Variants in MROH2A observed in about 807,000 individuals in gnomAD.
MROH2A encodes maestro heat-like repeat-containing protein family member 2A.
Under a neutral mutation model 200.4 loss-of-function variants are expected in MROH2A, and 174 were observed. That is an observed-to-expected ratio of 0.87 (90% CI 0.77 to 0.98). MROH2A has a LOEUF of 0.98. Among genes scored for constraint, MROH2A ranks in the 50% least tolerant of loss-of-function variants. The pLI is 0.00. For missense variants in MROH2A, 2,045 were observed against 2,139.6 expected (o/e 0.96, Z 0.87); for synonymous variants, 829 against 840.4 (o/e 0.99, Z 0.23).
chr2:233,802,796 T>G (rs1413093578), intron 15 of MROH2A, among the ~76,000 whole-genome samples: 1 of 152,204 alleles, frequency 6.6e-6, no homozygotes, highest in Non-Finnish European at 1.5e-5. Flanking sequence ...TCCCTCCAAC[T>G]CTGGCCCCAA....
chr2:233,802,489 T>G, intron 15 of MROH2A, 174 bp downstream of exon 15: 2 of 693,742 alleles, frequency 2.9e-6, no homozygotes, highest in East Asian at 2.8e-5. Flanking sequence ...TACCTGATCA[T>G]ATCTAGGTCA....
Position 233,789,911 on chromosome 2 carries a change from C to T in MROH2A, c.468C>T (p.Asn156=). The change falls in exon 5 of 42, where the codon AAC becomes AAT. Residue 156 remains asparagine, a synonymous_variant. Coordinates refer to ENST00000389758, the MANE Select transcript of MROH2A (RefSeq NM_001394639.1). ...ASDTLVALSR[N]HFSLVMYELQ... ...ACACACTGGTGGCTCTGTCCCGAAA[C>T]CACTTCAGCTTGGTCATGTACGAGC... The T allele has an allele frequency of 6.4e-7, 1 of 1,550,488 alleles. No individual in the cohort carries two copies. The highest frequency in any genetic ancestry group is 8.7e-7 in the Non-Finnish European group (1 of 1,146,924).
rs1354229350 is a variant in MROH2A, at chr2:233,828,671, G to A, written c.4155G>A (p.Lys1385=). The A allele has an allele frequency of 1.9e-6, 3 of 1,550,676 alleles. No individual in the cohort carries two copies. In the African/African-American group the frequency reaches 4.1e-5, roughly 21 times the overall value. ...TTCTGTACCAGGAGAAGCTGCTGAAGCCGGCAGCTTTGCTGCTGGAGAAGG... is the reference window on the plus strand; with the variant it reads ...TTCTGTACCAGGAGAAGCTGCTGAAACCGGCAGCTTTGCTGCTGGAGAAGG... ...GPVLYQEKLL[K]PAALLLEKGA... Residue 1385 remains lysine (K), a synonymous_variant, in exon 36 of 42, where the codon AAG becomes AAA. Transcript: ENST00000389758. The surrounding 1 kb of genome is among the most constrained non-coding windows in gnomAD (Gnocchi z 4.6).
At chr2:233,784,969 A>C (rs1227277667) in intron 3 of MROH2A, among the ~76,000 whole-genome samples, 1 of 152,006 alleles carries the variant, frequency 6.6e-6, no homozygotes, top group Admixed American at 6.6e-5. Context: ...AATGTGGTAA[A>C]ACCCCATCTC....
At chr2:233,805,549 A>T (rs1702738502) in intron 19 of MROH2A, among the ~76,000 whole-genome samples, 1 of 152,176 alleles carries the variant, frequency 6.6e-6, no homozygotes, top group Admixed American at 6.5e-5. Flanking sequence ...TTGATCCTAA[A>T]ATTGATCCTA....
chr2:233,799,440 T>C (rs1702317622), intron 12 of MROH2A, among the ~76,000 whole-genome samples: 1 of 152,180 alleles, frequency 6.6e-6, no homozygotes, highest in African/African-American at 2.4e-5. Context: ...CTGCATCTCC[T>C]TCACATAGTG....
At chr2:233,810,078 T>G (rs1218166811) in intron 22 of MROH2A, among the ~76,000 whole-genome samples, 2 of 152,208 alleles carry the variant, frequency 1.3e-5, no homozygotes, top group Non-Finnish European at 2.9e-5. Context: ...GCAATCATTT[T>G]CTCAATAACC....
At chr2:233,811,196 A>G (rs920349504) in intron 23 of MROH2A, among the ~76,000 whole-genome samples, 2 of 152,276 alleles carry the variant, frequency 1.3e-5, no homozygotes, top group African/African-American at 4.8e-5. Context: ...TGATAGACAG[A>G]GATTCCCTGG....
At chr2:233,809,684 G>A (rs1703028637) in intron 22 of MROH2A, among the ~76,000 whole-genome samples, 1 of 152,096 alleles carries the variant, frequency 6.6e-6, no homozygotes, top group African/African-American at 2.4e-5. Flanking sequence ...TGGCAAGGAG[G>A]GGAAAACACA....
Position 233,796,243 on chromosome 2 carries a change from G to C in MROH2A, c.1182G>C (p.Gln394His). The C allele has an allele frequency of 6.5e-7, 1 of 1,528,528 alleles. No individual in the cohort carries two copies. The highest frequency in any genetic ancestry group is 8.8e-7 in the Non-Finnish European group (1 of 1,133,582). The allele number at this position is 1,528,528 out of a possible 1,614,324, so 94.7% of individuals were successfully genotyped here. A position where few individuals can be genotyped will look rare whatever the true frequency, so the allele number is the denominator to read the frequency against. ...AGCTGATGAAGTTCTTCTTCAGCCAGATGGAGACAAACAAGGAGGCCGTCC... is the reference window on the plus strand; with the variant it reads ...AGCTGATGAAGTTCTTCTTCAGCCACATGGAGACAAACAAGGAGGCCGTCC... ...PKELMKFFFS[Q>H]METNKEAVRV... The change falls in exon 11 of 42, where the codon CAG becomes CAC. Residue 394 changes from glutamine to histidine, a missense_variant. Coordinates refer to ENST00000389758, the MANE Select transcript of MROH2A (RefSeq NM_001394639.1).
At position 233,787,603 on chromosome 2, in the gene MROH2A, T is replaced by TA. The variant is rs1282679683; in HGVS notation, c.277-1894_277-1893insA. Reference sequence around the variant, plus strand: ...CATATATACATATATATATTATATATTATATATATCATATATACATATATA... The same window carrying TA: ...CATATATACATATATATATTATATATATATATATATCATATATACATATATA... On this transcript the variant is annotated intron_variant, in intron 3 of 41. Transcript: ENST00000389758. 3.7e-4 allele frequency among the ~76,000 whole-genome samples: 26 copies of TA among 70,944 alleles called. 5 individuals are homozygous for TA. Among genetic ancestry groups the TA allele is most frequent in the Non-Finnish European group, 5.9e-4 (24 of 40,726 alleles). 46.5% of individuals were successfully genotyped at this position (70,944 alleles called of 152,430 possible). A position where few individuals can be genotyped will look rare whatever the true frequency, so the allele number is the denominator to read the frequency against.
At chr2:233,795,792 C>T (rs1442263148) in intron 9 of MROH2A, 47 bp downstream of exon 9, 3 of 1,550,632 alleles carry the variant, frequency 1.9e-6, no homozygotes, top group Non-Finnish European at 2.6e-6. Context: ...CTGGGTGGAT[C>T]AGCAGGAAGC....
At chr2:233,790,651 TC>T (rs1559442253) in intron 5 of MROH2A, among the ~76,000 whole-genome samples, 14 of 848 alleles carry the variant, frequency 0.017, 5 homozygotes, top group Non-Finnish European at 0.024. Flanking sequence ...TCCCCTCCCC[TC>T]CCCTCCCCTC....
rs1575913673 is a variant in MROH2A, at chr2:233,789,485, C to G, written c.277-12C>G. ...GGTGAGGTCCATTCCACCCACCATA[C>G]TTGTTTCCCAGATTTCCACCCAGCG... is the stretch of plus-strand genomic sequence containing the variant. On this transcript the variant is annotated splice_polypyrimidine_tract_variant and intron_variant, in intron 3 of 41. Transcript: ENST00000389758. 2.1e-6 allele frequency: 3 copies of G among 1,408,404 alleles called. No homozygotes were observed. Among genetic ancestry groups the G allele is most frequent in the East Asian group, 2.7e-5 (1 of 37,506 alleles). The allele number at this position is 1,408,404 out of a possible 1,614,324, so 87.2% of individuals were successfully genotyped here. A position where few individuals can be genotyped will look rare whatever the true frequency, so the allele number is the denominator to read the frequency against.
chr2:233,785,428 A>G (rs1488846095), intron 3 of MROH2A, among the ~76,000 whole-genome samples: 1 of 148,272 alleles, frequency 6.7e-6, no homozygotes, highest in Non-Finnish European at 1.5e-5. Context: ...ATTTTGCACC[A>G]CTGTACTCTA....
At chr2:233,832,503 A>G in intron 40 of MROH2A, 76 bp from the exon 41 acceptor site, 1 of 1,207,264 alleles carries the variant, frequency 8.3e-7, no homozygotes, top group Non-Finnish European at 1.2e-6. Flanking sequence ...CATAACGTAA[A>G]GTAAGTAAAC....
In MROH2A at chr2:233,828,532, A is replaced by C; in HGVS notation, c.4114-98A>C. ...TCAGAGCCCCTCCCCTCCTGTCCAC[A>C]GAGCCACCAATCTGCATTACCTCTC... On this transcript the variant is annotated intron_variant, in intron 35 of 41. Coordinates refer to ENST00000389758, the MANE Select transcript of MROH2A (RefSeq NM_001394639.1). The surrounding 1 kb of genome is among the most constrained non-coding windows in gnomAD (Gnocchi z 4.6). 7.0e-7 allele frequency: 1 copy of C among 1,436,768 alleles called. No individual in the cohort carries two copies. The highest frequency in any genetic ancestry group is 9.3e-7 in the Non-Finnish European group (1 of 1,070,428). 89.0% of individuals were successfully genotyped at this position (1,436,768 alleles called of 1,614,324 possible).
At position 233,779,666 on chromosome 2, in the gene MROH2A, C is replaced by T. The variant is rs776616123; in HGVS notation, c.95-5C>T. 1 of 1,550,862 alleles carries T rather than the reference C, an allele frequency of 6.4e-7. No individual in the cohort carries two copies. The highest frequency in any genetic ancestry group is 1.2e-5 in the South Asian group (1 of 84,020). ...ACTGCACCTGGGTGGCGTTTGTTTT[C>T]ATAGGTACCTTTCAACAAGTCGTGA... On this transcript the variant is annotated splice_polypyrimidine_tract_variant and splice_region_variant and intron_variant, in intron 2 of 41. Coordinates refer to ENST00000389758, the MANE Select transcript of MROH2A (RefSeq NM_001394639.1).
rs1376632282 is a variant in MROH2A at position 233,789,600 on chromosome 2, C to T, written c.380C>T (p.Ala127Val). The stretch of plus-strand genomic sequence containing the variant: ...TGCGTGCAGAGGCTGGTGGCCATTG[C>T]CTCCAAGGAGATGAGGGAGATCCCA... ...EQCVQRLVAI[A>V]SKEMREIPEM... Residue 127 changes from alanine (A) to valine (V), a missense_variant, in exon 4 of 42, where the codon GCC (alanine) becomes GTC (valine). Transcript: ENST00000389758. 2 of 1,480,358 alleles carry T rather than the reference C, an allele frequency of 1.4e-6. No individual in the cohort carries two copies. Among genetic ancestry groups the T allele is most frequent in the Non-Finnish European group, 1.8e-6 (2 of 1,113,820 alleles). 91.7% of individuals were successfully genotyped at this position (1,480,358 alleles called of 1,614,324 possible). A position where few individuals can be genotyped will look rare whatever the true frequency, so the allele number is the denominator to read the frequency against.
Sources: allele counts gnomAD v4.1 joint callset (sites outside exome capture counted in the v4.1 genomes callset), GRCh38; gene constraint gnomAD v4.1.1; non-coding constraint Gnocchi (gnomAD v3.1); transcripts MANE v1.5; gene names NCBI Gene and HGNC (gene_info 2026-07-23, HGNC 2026-07-21).